ESRRA: variants seen among roughly 807,000 people sequenced by gnomAD.
ESRRA encodes estrogen related receptor alpha.
ESRRA carries 7 observed loss-of-function variants against 35.6 expected under a neutral mutation model. The observed-to-expected ratio is 0.20, with a 90% confidence interval of 0.11 to 0.37. The LOEUF is 0.37. Among genes scored for constraint, ESRRA ranks in the 10% least tolerant of loss-of-function variants. The pLI, the probability that ESRRA is intolerant of heterozygous loss-of-function variation, is 1.00. For missense variants in ESRRA, 378 were observed against 561.7 expected, an observed-to-expected ratio of 0.67 and a Z score of 3.31; for synonymous variants, 223 against 246.9, an observed-to-expected ratio of 0.90 and a Z score of 0.91.
chr11:64,307,312 C>G lies in ESRRA; in HGVS notation c.133C>G (p.Arg45Gly), dbSNP rs768035615. ...CCTGGCCCCTGGTCCAGCTCCCACT[C>G]GCTGCCTCCCAGGCCACAAGGAAGA... is the stretch of plus-strand genomic sequence containing the variant. ...VALAPGPAPT[R>G]CLPGHKEEED... is the part of the protein sequence containing the mutation. The change falls in exon 2 of 7, where the codon CGC becomes GGC. Residue 45 changes from arginine to glycine, a missense_variant. Arg to Gly is a moderately radical substitution (Grantham distance 125, BLOSUM62 -2). This residue lies in a region of ESRRA where 87 missense variants were observed against 92.6 expected (regional missense o/e 0.94). Coordinates refer to ENST00000000442, the MANE Select transcript of ESRRA (RefSeq NM_004451.5). 6 of 1,613,018 alleles carry G rather than the reference C, an allele frequency of 3.7e-6. No individual in the cohort carries two copies. The highest frequency in any genetic ancestry group is 1.7e-5 in the Admixed American group (1 of 59,966).
chr11:64,313,961 G>C lies in ESRRA; in HGVS notation c.336G>C (p.Glu112Asp), dbSNP rs1309245930. Residue 112 changes from glutamate to aspartate, a missense_variant, in exon 3 of 7, where the codon GAG (glutamate) becomes GAC (aspartate). Physicochemically the swap from Glu to Asp is conservative, Grantham distance 45 (BLOSUM62 2). This residue lies in a region of ESRRA where 284 missense variants were observed against 411.7 expected (regional missense o/e 0.69). Transcript: ENST00000000442. This position sits in a 1 kb window ranked among gnomAD's most constrained non-coding sequence, Gnocchi z 4.0. ...GCCTCTTCCTGGCAGGGAGCATCGA[G>C]TACAGCTGTCCGGCCTCCAACGAGT... is the stretch of plus-strand genomic sequence containing the variant. ...FFKRTIQGSI[E>D]YSCPASNECE... is the part of the protein sequence containing the mutation. 4 of 1,577,564 alleles carry C rather than the reference G, an allele frequency of 2.5e-6. No homozygotes were observed. Among genetic ancestry groups the C allele is most frequent in the Non-Finnish European group, 3.4e-6 (4 of 1,161,800 alleles).
rs748337910 is a variant in ESRRA at position 64,315,138 on chromosome 11, GAA to G, written c.881_882del (p.Glu294GlyfsTer69). On this transcript the variant is annotated frameshift_variant, in exon 6 of 7. Coordinates refer to ENST00000000442, the MANE Select transcript of ESRRA (RefSeq NM_004451.5). LOFTEE classifies it high-confidence loss of function. ...CTTCGCTGAGGACTTAGTCCTGGAT[GAA>G]GAGGGGGCACGGGCAGCTGGCCTGG... is the stretch of plus-strand genomic sequence containing the variant. ...LAFAEDLVLDEEGARAAGLGE... is the reference protein window; with the variant it reads ...LAFAEDLVLDXEGARAAGLGE... 6.2e-7 allele frequency: 1 copy of G among 1,612,810 alleles called. No individual in the cohort carries two copies. Among genetic ancestry groups the G allele is most frequent in the African/African-American group, 1.3e-5 (1 of 74,938 alleles).
chr11:64,314,212 A>T, intron 3 of ESRRA, 27 bp from the exon 4 acceptor site: 1 of 1,596,710 alleles, frequency 6.3e-7, no homozygotes, highest in Admixed American at 1.7e-5. Flanking sequence ...CACCACAGTC[A>T]CAGTCCTATC....
In ESRRA at chr11:64,316,647, CAG is replaced by C. The variant is rs1455966422; in HGVS notation, c.*685_*686del. The C allele has an allele frequency of 3.4e-5, 19 of 562,382 alleles. No individual in the cohort carries two copies. The highest frequency in any genetic ancestry group is 1.6e-5 in the Non-Finnish European group (5 of 309,458). The allele number at this position is 562,382 out of a possible 1,614,324, so 34.8% of individuals were successfully genotyped here. The stretch of plus-strand genomic sequence containing the variant: ...CCAGGGCCCAGAGCCCTTGGCTGTA[CAG>C]AGACTCTATTTTAATGTATATTTGC... On this transcript the variant is annotated 3_prime_UTR_variant, in exon 7 of 7. Transcript: ENST00000000442.
chr11:64,312,514 G>A (rs538176495), intron 2 of ESRRA, among the ~76,000 whole-genome samples: 3 of 152,300 alleles, frequency 2.0e-5, no homozygotes, highest in East Asian at 1.9e-4. Context: ...AATGTGCTGC[G>A]GGCCTGCTGT....
chr11:64,312,876 A>G (rs1052776879), intron 2 of ESRRA, among the ~76,000 whole-genome samples: 3 of 152,158 alleles, frequency 2.0e-5, no homozygotes, highest in Non-Finnish European at 4.4e-5. Flanking sequence ...GGCCTGTTTG[A>G]GGAACATGGA....
At position 64,313,148 on chromosome 11, in the gene ESRRA, G is replaced by A. The variant is rs571523209; in HGVS notation, c.326-803G>A. The stretch of plus-strand genomic sequence containing the variant: ...GTCAAGGGTGGAAGTAGTTGCCAGG[G>A]GCAGGAGGCGGATTCTGGACCTTGG... On this transcript the variant is annotated intron_variant, in intron 2 of 6. Transcript: ENST00000000442. The surrounding 1 kb of genome is among the most constrained non-coding windows in gnomAD (Gnocchi z 4.0). 7.9e-5 allele frequency among the ~76,000 whole-genome samples: 12 copies of A among 152,256 alleles called. No individual in the cohort carries two copies. The highest frequency in any genetic ancestry group is 2.9e-4 in the African/African-American group (12 of 41,546).
In ESRRA at chr11:64,316,303, CAG is replaced by C. The variant is rs940146718; in HGVS notation, c.*340_*341del. On this transcript the variant is annotated 3_prime_UTR_variant, in exon 7 of 7. Transcript: ENST00000000442. Reference sequence around the variant, plus strand: ...CTCAGGGAGGGAAGGGGATGGAGGCCAGAGTCTCCCAGTGGGTGATGCTTTTG... The same window carrying C: ...CTCAGGGAGGGAAGGGGATGGAGGCCAGTCTCCCAGTGGGTGATGCTTTTG... 6 of 272,828 alleles carry C rather than the reference CAG, an allele frequency of 2.2e-5. No individual in the cohort carries two copies. The highest frequency in any genetic ancestry group is 2.8e-5 in the Non-Finnish European group (4 of 141,470). The allele number at this position is 272,828 out of a possible 1,614,324, so 16.9% of individuals were successfully genotyped here.
rs567342412 is a variant in ESRRA at position 64,316,714 on chromosome 11, G to GAA, written c.*754_*755dup. On this transcript the variant is annotated 3_prime_UTR_variant, in exon 7 of 7. Coordinates refer to ENST00000000442, the MANE Select transcript of ESRRA (RefSeq NM_004451.5). The stretch of plus-strand genomic sequence containing the variant: ...GCTTTTGGTTTTAAACCTTTAATGA[G>GAA]AAAAAAATATATAATACCGAGCTCA... 44 of 631,764 alleles carry GAA rather than the reference G, an allele frequency of 7.0e-5. No individual in the cohort carries two copies. In the East Asian group the frequency reaches 1.2e-3, roughly 17 times the overall value. 39.1% of individuals were successfully genotyped at this position (631,764 alleles called of 1,614,324 possible).
Position 64,315,199 on chromosome 11 carries a change from G to A in ESRRA, c.941G>A (p.Arg314Gln). 17 of 1,611,640 alleles carry A rather than the reference G, an allele frequency of 1.1e-5. No homozygotes were observed. The highest frequency in any genetic ancestry group is 2.2e-5 in the East Asian group (1 of 44,830). ...ELGAALLQLV[R>Q]RLQALRLERE... ...GGGGCTGCCCTGCTGCAACTAGTGC[G>A]GCGGCTGCAGGCCCTGCGGCTGGAG... Residue 314 changes from arginine (R) to glutamine (Q), a missense_variant, in exon 6 of 7, where the codon CGG becomes CAG. Physicochemically the swap from Arg to Gln is conservative, Grantham distance 43 (BLOSUM62 1). This residue lies in a region of ESRRA where 284 missense variants were observed against 411.7 expected (regional missense o/e 0.69). Coordinates refer to ENST00000000442, the MANE Select transcript of ESRRA (RefSeq NM_004451.5).
rs374006359 is a variant in ESRRA, at chr11:64,315,217, G to A, written c.959G>A (p.Arg320Gln). 13 of 1,608,720 alleles carry A rather than the reference G, an allele frequency of 8.1e-6. No homozygotes were observed. Among genetic ancestry groups the A allele is most frequent in the Middle Eastern group, 1.7e-4 (1 of 6,056 alleles). ...LQLVRRLQAL[R>Q]LEREEYVLLK... Reference sequence around the variant, plus strand: ...CTAGTGCGGCGGCTGCAGGCCCTGCGGCTGGAGCGAGAGGAGTATGTTCTA... The same window carrying A: ...CTAGTGCGGCGGCTGCAGGCCCTGCAGCTGGAGCGAGAGGAGTATGTTCTA... The change falls in exon 6 of 7, where the codon CGG becomes CAG. Residue 320 changes from arginine (R) to glutamine (Q), a missense_variant. Transcript: ENST00000000442.
At chr11:64,309,300 G>C (rs1413576510) in intron 2 of ESRRA, among the ~76,000 whole-genome samples, 1 of 151,550 alleles carries the variant, frequency 6.6e-6, no homozygotes, top group South Asian at 2.1e-4. Flanking sequence ...GGGCGTGGTG[G>C]TGAGTGCCTG....
At chr11:64,315,411 G>A in intron 6 of ESRRA, 141 bp downstream of exon 6, 1 of 1,094,508 alleles carries the variant, frequency 9.1e-7, no homozygotes, top group Non-Finnish European at 1.3e-6. Context: ...AAGTCAAAAA[G>A]CAAGCCAAGT....
In ESRRA at chr11:64,314,952, C is replaced by CG. The variant is rs749718439; in HGVS notation, c.742+43dup. 37 of 1,603,648 alleles carry CG rather than the reference C, an allele frequency of 2.3e-5. 1 individual carries two copies. Among genetic ancestry groups the CG allele is most frequent in the South Asian group, 4.4e-5 (4 of 90,258 alleles). On this transcript the variant is annotated intron_variant, in intron 5 of 6. Transcript: ENST00000000442. ...GACCCGGGGCTGCCCTGAACGGGCC[C>CG]GGCTCTGGTGCGCTTGCTCAGCCAG...
chr11:64,312,883 T>C (rs917801984), intron 2 of ESRRA, among the ~76,000 whole-genome samples: 1 of 151,934 alleles, frequency 6.6e-6, no homozygotes, highest in African/African-American at 2.4e-5. Flanking sequence ...TTGAGGAACA[T>C]GGAGGAGGCG....
In ESRRA at chr11:64,316,240, A is replaced by AG; in HGVS notation, c.*279dup. 1 of 392,278 alleles carries AG rather than the reference A, an allele frequency of 2.5e-6. No individual in the cohort carries two copies. The allele number at this position is 392,278 out of a possible 1,614,324, so 24.3% of individuals were successfully genotyped here. ...GTGTAGGGGGCCTTGCGGAAGCCAT[A>AG]GGGGGCTGCACGGGATGCGTGGGAG... On this transcript the variant is annotated 3_prime_UTR_variant, in exon 7 of 7. Transcript: ENST00000000442.
At chr11:64,308,352 T>C (rs547552506) in intron 2 of ESRRA, among the ~76,000 whole-genome samples, 11 of 150,948 alleles carry the variant, frequency 7.3e-5, no homozygotes, top group Non-Finnish European at 1.2e-4. Context: ...GCATCTCTAC[T>C]AAAAATGCAA....
At position 64,307,300 on chromosome 11, in the gene ESRRA, C is replaced by G. The variant is rs773620669; in HGVS notation, c.121C>G (p.Pro41Ala). 6 of 1,613,290 alleles carry G rather than the reference C, an allele frequency of 3.7e-6. No individual in the cohort carries two copies. Among genetic ancestry groups the G allele is most frequent in the Non-Finnish European group, 5.1e-6 (6 of 1,179,866 alleles). The change falls in exon 2 of 7, where the codon CCA becomes GCA. Residue 41 changes from proline to alanine, a missense_variant. Around this residue, in one of 4 missense-constraint regions of ESRRA, gnomAD observed 87 missense variants for 92.6 expected, o/e 0.94. Coordinates refer to ENST00000000442, the MANE Select transcript of ESRRA (RefSeq NM_004451.5). ...TEPPVALAPG[P>A]APTRCLPGHK... Reference sequence around the variant, plus strand: ...GCCTCCTGTGGCCCTGGCCCCTGGTCCAGCTCCCACTCGCTGCCTCCCAGG... The same window carrying G: ...GCCTCCTGTGGCCCTGGCCCCTGGTGCAGCTCCCACTCGCTGCCTCCCAGG...
Position 64,313,777 on chromosome 11 carries a change from G to A in ESRRA, c.326-174G>A. 1.8e-6 allele frequency: 1 copy of A among 557,456 alleles called. No homozygotes were observed. Among genetic ancestry groups the A allele is most frequent in the Non-Finnish European group, 3.2e-6 (1 of 311,368 alleles). 34.5% of individuals were successfully genotyped at this position (557,456 alleles called of 1,614,324 possible). On this transcript the variant is annotated intron_variant, in intron 2 of 6. Coordinates refer to ENST00000000442, the MANE Select transcript of ESRRA (RefSeq NM_004451.5). The surrounding 1 kb of genome is among the most constrained non-coding windows in gnomAD (Gnocchi z 4.0). Reference sequence around the variant, plus strand: ...CCAGCTCCTCCCTCATCCAGGCAGGGCTCCCCCGCCCAGCAGCCACTCCCC... The same window carrying A: ...CCAGCTCCTCCCTCATCCAGGCAGGACTCCCCCGCCCAGCAGCCACTCCCC...
Sources: gnomAD v4.1 joint callset for allele counts (sites outside exome capture counted in the v4.1 genomes callset) on GRCh38, gnomAD v4.1.1 for gene constraint, gnomAD v4.1.1 regional missense constraint, Gnocchi (gnomAD v3.1) non-coding constraint, MANE v1.5 for transcripts, NCBI Gene and HGNC (gene_info 2026-07-23, HGNC 2026-07-21) for gene names.